RNF144A: variants seen among roughly 807,000 people sequenced by gnomAD.
RNF144A encodes the protein E3 ubiquitin-protein ligase RNF144A.
RNF144A carries 11 observed loss-of-function variants against 38.7 expected under a neutral mutation model. The observed-to-expected ratio is 0.28, with a 90% confidence interval of 0.18 to 0.47. RNF144A has a LOEUF of 0.47. Ranked by LOEUF, RNF144A falls within the 20% of genes least tolerant of loss-of-function variation. RNF144A has a pLI of 0.99. For missense variants in RNF144A, 316 were observed against 377.2 expected (o/e 0.84, Z 1.34); for synonymous variants, 149 against 143.9 (o/e 1.04, Z -0.25).
At chr2:7,045,684 A>G (rs1213716249), downstream of RNF144A, among the ~76,000 whole-genome samples, 1 of 152,168 alleles carries the variant, frequency 6.6e-6, no homozygotes, top group Non-Finnish European at 1.5e-5. Context: ...TTAGGCTTCA[A>G]CACTTTTTGT....
chr2:6,937,169 A>G (rs1665645777), intron 1 of RNF144A, among the ~76,000 whole-genome samples: 1 of 152,198 alleles, frequency 6.6e-6, no homozygotes, highest in Admixed American at 6.5e-5. Flanking sequence ...TATATGAAGA[A>G]CAATTCTTGA....
intron 1 of RNF144A, among the ~76,000 whole-genome samples, chr2:6,933,900 T>G (rs1257559551): frequency 6.6e-6 from 1 of 152,220 alleles, no homozygotes; most frequent in Non-Finnish European, 1.5e-5. Context: ...ATTGATGGGT[T>G]TGTAAGTAAT....
rs1033113211 is a variant in RNF144A, at chr2:7,020,793, C to A, written c.509+113C>A. The A allele has an allele frequency of 5.8e-6, 5 of 856,192 alleles. No individual in the cohort carries two copies. The African/African-American group carries it at 8.3e-5, about 14-fold the overall frequency. The allele number at this position is 856,192 out of a possible 1,614,324, so 53.0% of individuals were successfully genotyped here. On this transcript the variant is annotated intron_variant, in intron 6 of 8. Coordinates refer to ENST00000320892, the MANE Select transcript of RNF144A (RefSeq NM_014746.6). ...TGTAAGTGGCTGTGGCTCAGTCAAC[C>A]CTAACACACACTGTACCTCTTGAGC...
rs772351212 is a variant in RNF144A at position 7,039,809 on chromosome 2, T to G, written c.*49T>G. ...TCCCTGCCTCCGGGAAGTGTGGCTC[T>G]CCCCCAACCCTCCCCACCGTCCCCC... On this transcript the variant is annotated 3_prime_UTR_variant, in exon 9 of 9. Coordinates refer to ENST00000320892, the MANE Select transcript of RNF144A (RefSeq NM_014746.6). 1.2e-5 allele frequency: 20 copies of G among 1,602,776 alleles called. No individual in the cohort carries two copies. Among genetic ancestry groups the G allele is most frequent in the Non-Finnish European group, 1.7e-5 (20 of 1,173,746 alleles).
intron 3 of RNF144A, among the ~76,000 whole-genome samples, chr2:7,004,698 C>G (rs1367389653): frequency 6.6e-6 from 1 of 152,196 alleles, no homozygotes; most frequent in Non-Finnish European, 1.5e-5. Context: ...TGCTCCTCCC[C>G]CTTTCTCAAT....
At position 7,040,766 on chromosome 2, in the gene RNF144A, G is replaced by A; in HGVS notation, c.*1006G>A. 1 of 985,492 alleles carries A rather than the reference G, an allele frequency of 1.0e-6. No homozygotes were observed. Among genetic ancestry groups the A allele is most frequent in the South Asian group, 4.7e-5 (1 of 21,286 alleles). The allele number at this position is 985,492 out of a possible 1,614,324, so 61.0% of individuals were successfully genotyped here. The stretch of plus-strand genomic sequence containing the variant: ...TGGCAGAGGCTGGAGGACTCTGGGG[G>A]CTAGGGAAGAGCCTGCCAGATTTTC... On this transcript the variant is annotated 3_prime_UTR_variant, in exon 9 of 9. Coordinates refer to ENST00000320892, the MANE Select transcript of RNF144A (RefSeq NM_014746.6).
At chr2:6,919,802 G>A (rs1038629499) in intron 1 of RNF144A, among the ~76,000 whole-genome samples, 3 of 152,170 alleles carry the variant, frequency 2.0e-5, no homozygotes, top group African/African-American at 4.8e-5. Flanking sequence ...AAGAGCTCCC[G>A]ATTCTAATGT....
chr2:6,946,454 C>T (rs1157679628), intron 2 of RNF144A, among the ~76,000 whole-genome samples: 2 of 151,924 alleles, frequency 1.3e-5, no homozygotes, highest in African/African-American at 4.8e-5. Context: ...TATCTCAGTG[C>T]TTTAAAAATT....
intron 6 of RNF144A, among the ~76,000 whole-genome samples, chr2:7,060,023 A>C (rs1159645224): frequency 1.3e-5 from 2 of 152,216 alleles, no homozygotes; most frequent in African/African-American, 2.4e-5. Flanking sequence ...TAGCACATTC[A>C]AATTAATATT....
intron 2 of RNF144A, among the ~76,000 whole-genome samples, chr2:6,987,942 C>T (rs1466336093): frequency 1.3e-5 from 2 of 152,184 alleles, no homozygotes; most frequent in African/African-American, 4.8e-5. Context: ...TTGGGCCCTT[C>T]TGTGTACCTT....
At chr2:7,032,680 C>G (rs189501617) in intron 8 of RNF144A, among the ~76,000 whole-genome samples, 2 of 152,230 alleles carry the variant, frequency 1.3e-5, no homozygotes, top group Non-Finnish European at 2.9e-5. Flanking sequence ...CCAAATCCCC[C>G]CTTTCTATCA....
chr2:7,024,442 G>A lies in RNF144A; in HGVS notation c.583G>A (p.Asp195Asn). 2 of 1,613,272 alleles carry A rather than the reference G, an allele frequency of 1.2e-6. No homozygotes were observed. Among genetic ancestry groups the A allele is most frequent in the Non-Finnish European group, 1.7e-6 (2 of 1,179,200 alleles). The change falls in exon 7 of 9, where the codon GAC (aspartate) becomes AAC (asparagine). Residue 195 changes from aspartate to asparagine, a missense_variant. By Grantham distance (23) the Asp-to-Asn change is conservative. Coordinates refer to ENST00000320892, the MANE Select transcript of RNF144A (RefSeq NM_014746.6). ...CAAGTGCAAAGTCTACATCGAGCGA[G>A]ACGAAGGCTGCGCGCAGATGATGTG... is the stretch of plus-strand genomic sequence containing the variant. Reference protein sequence around the residue: ...CPKCKVYIERDEGCAQMMCKN... With the variant: ...CPKCKVYIERNEGCAQMMCKN...
chr2:7,042,985 A>T lies in RNF144A; in HGVS notation c.*3225A>T. ...CGGGTTCAAGCGATTCTCCTGCCTC[A>T]GCCTCCCAAGTAGCTGGGATTACAG... is the stretch of plus-strand genomic sequence containing the variant. On this transcript the variant is annotated 3_prime_UTR_variant, in exon 9 of 9. Transcript: ENST00000320892. 2 of 544,584 alleles carry T rather than the reference A, an allele frequency of 3.7e-6. No individual in the cohort carries two copies. The highest frequency in any genetic ancestry group is 4.7e-6 in the Non-Finnish European group (2 of 427,716). 33.7% of individuals were successfully genotyped at this position (544,584 alleles called of 1,614,324 possible).
chr2:6,984,276 C>T (rs1008656613), intron 2 of RNF144A, among the ~76,000 whole-genome samples: 5 of 152,174 alleles, frequency 3.3e-5, no homozygotes, highest in Admixed American at 3.3e-4. Flanking sequence ...AAGGAGAGCA[C>T]TGCCTGGAAC....
At chr2:7,065,832 A>G (rs1451846192) in intron 6 of RNF144A, among the ~76,000 whole-genome samples, 1 of 152,238 alleles carries the variant, frequency 6.6e-6, no homozygotes, top group Non-Finnish European at 1.5e-5. Context: ...AAAGACTACG[A>G]AAGTTACTTT....
chr2:6,972,307 C>T (rs1668045811), intron 2 of RNF144A, among the ~76,000 whole-genome samples: 1 of 152,192 alleles, frequency 6.6e-6, no homozygotes, highest in Non-Finnish European at 1.5e-5. Flanking sequence ...CTTCTTTGTT[C>T]AACTGTCAAA....
intron 8 of RNF144A, among the ~76,000 whole-genome samples, chr2:7,038,137 G>GT (rs1381353624): frequency 6.6e-6 from 1 of 152,224 alleles, no homozygotes; most frequent in Non-Finnish European, 1.5e-5. Context: ...ATCAAAATAC[G>GT]TAACAGTCAG....
At chr2:7,026,635 G>C (rs1387847102) in intron 7 of RNF144A, among the ~76,000 whole-genome samples, 1 of 151,970 alleles carries the variant, frequency 6.6e-6, no homozygotes, top group East Asian at 1.9e-4. Flanking sequence ...CCTTGTCACA[G>C]AGCCCCGTGC....
intron 2 of RNF144A, among the ~76,000 whole-genome samples, chr2:6,949,391 C>G (rs1168265838): frequency 6.6e-6 from 1 of 150,970 alleles, no homozygotes; most frequent in Non-Finnish European, 1.5e-5. Flanking sequence ...CTCCCCTCCC[C>G]TCCCCTTCCT....
Sources: gnomAD v4.1 joint callset for allele counts (sites outside exome capture counted in the v4.1 genomes callset) on GRCh38, gnomAD v4.1.1 for gene constraint, MANE v1.5 for transcripts, NCBI Gene and HGNC (gene_info 2026-07-23, HGNC 2026-07-21) for gene names.